NFATC1: variants seen among roughly 807,000 people sequenced by gnomAD.
The protein encoded by NFATC1 is nuclear factor of activated T cells 1.
In NFATC1, 22 loss-of-function variants were observed where a neutral mutation model predicts 76.0. The ratio of observed to expected loss-of-function variants is 0.29; its 90% CI spans 0.21 to 0.41. The LOEUF (loss-of-function observed/expected upper bound fraction) is 0.41. NFATC1 is among the 10% of genes least tolerant of loss of function. The pLI is 1.00. For missense variants in NFATC1, 1,357 were observed against 1,337.7 expected (o/e 1.01, Z -0.23); for synonymous variants, 704 against 613.1 (o/e 1.15, Z -2.19).
At chr18:79,526,608 C>G (rs558573477) in intron 9 of NFATC1, among the ~76,000 whole-genome samples, 2 of 152,350 alleles carry the variant, frequency 1.3e-5, no homozygotes, top group South Asian at 4.1e-4. Flanking sequence ...AGGGTTCCTC[C>G]TGGAGCTCAG....
intron 1 of NFATC1, among the ~76,000 whole-genome samples, chr18:79,404,025 C>T (rs1274630540): frequency 2.0e-5 from 3 of 152,198 alleles, no homozygotes; most frequent in Admixed American, 6.5e-5. Flanking sequence ...GTGGAGTTAC[C>T]TGGCAGATTG....
intron 9 of NFATC1, chr18:79,493,620 G>A (rs1445174084): frequency 6.6e-6 from 1 of 152,256 alleles, no homozygotes; most frequent in Non-Finnish European, 1.5e-5. Flanking sequence ...CCCCTCCTGA[G>A]CCGGAGCTGC....
rs903758048 is a variant in NFATC1, at chr18:79,465,616, C to T, written c.1960-1834C>T. ...CACTCCTCGCTGCTGCCTGTGAGTG[C>T]CTCCCGGCCCGTTACTATTTCAGTC... is the stretch of plus-strand genomic sequence containing the variant. On this transcript the variant is annotated intron_variant, in intron 7 of 9. Coordinates refer to ENST00000427363, the MANE Select transcript of NFATC1 (RefSeq NM_001278669.2). This position sits in a 1 kb window ranked among gnomAD's most constrained non-coding sequence, Gnocchi z 4.2. Among the ~76,000 whole-genome samples, 7 of 152,222 alleles carry T rather than the reference C, an allele frequency of 4.6e-5. No homozygotes were observed. The highest frequency in any genetic ancestry group is 1.7e-4 in the African/African-American group (7 of 41,454).
At chr18:79,521,799 G>T (rs1426110630) in intron 9 of NFATC1, among the ~76,000 whole-genome samples, 1 of 1,230 alleles carries the variant, frequency 8.1e-4, no homozygotes, top group Non-Finnish European at 3.0e-3. Flanking sequence ...ATGTGTATGT[G>T]TGTGGGGGGG....
chr18:79,499,892 T>G (rs1415332339), intron 9 of NFATC1, among the ~76,000 whole-genome samples: 1 of 152,204 alleles, frequency 6.6e-6, no homozygotes, highest in East Asian at 1.9e-4. Context: ...CTGTCAGTAG[T>G]CATGTTCTCT....
At chr18:79,505,735 C>T (rs2090105753) in intron 9 of NFATC1, among the ~76,000 whole-genome samples, 1 of 143,578 alleles carries the variant, frequency 7.0e-6, no homozygotes, top group Admixed American at 6.7e-5. Flanking sequence ...AGGCAGGAGA[C>T]TGCTGTGTGG....
chr18:79,414,368 C>G (rs1459073367), intron 2 of NFATC1, among the ~76,000 whole-genome samples: 1 of 152,200 alleles, frequency 6.6e-6, no homozygotes, highest in Non-Finnish European at 1.5e-5. Flanking sequence ...TTAATCCTGT[C>G]CCTATGCCAG....
intron 9 of NFATC1, among the ~76,000 whole-genome samples, chr18:79,512,216 G>A (rs933029847): frequency 6.6e-6 from 1 of 151,822 alleles, no homozygotes; most frequent in Non-Finnish European, 1.5e-5. Flanking sequence ...ACACGGCCTC[G>A]CCCCAGGACA....
intron 1 of NFATC1, chr18:79,402,376 AG>A: frequency 1.0e-6 from 1 of 985,440 alleles, no homozygotes; most frequent in Non-Finnish European, 1.2e-6. Context: ...GCCGCCTTCC[AG>A]GTGGGTTCAG....
At chr18:79,509,044 C>G (rs766539634) in intron 9 of NFATC1, among the ~76,000 whole-genome samples, 1 of 152,216 alleles carries the variant, frequency 6.6e-6, no homozygotes, top group East Asian at 1.9e-4. Flanking sequence ...CTTGCAGTGT[C>G]CTGTACGGAG....
chr18:79,400,361 GGCTCCC>G (rs201551280), intron 1 of NFATC1: 17 of 1,284,140 alleles, frequency 1.3e-5, no homozygotes, highest in African/African-American at 9.2e-5. Flanking sequence ...CCGCGACCCC[GGCTCCC>G]GCCCCGGCCC....
chr18:79,464,681 T>TATATACACAC (rs1423894668), intron 7 of NFATC1, among the ~76,000 whole-genome samples: 1 of 100,138 alleles, frequency 1.0e-5, no homozygotes, highest in Non-Finnish European at 2.1e-5. Context: ...TATATGTATG[T>TATATACACAC]GTATATATAT....
At chr18:79,450,041 G>A (rs1418059267) in intron 4 of NFATC1, among the ~76,000 whole-genome samples, 3 of 152,168 alleles carry the variant, frequency 2.0e-5, no homozygotes, top group African/African-American at 2.4e-5. Flanking sequence ...AGTCAGGTGC[G>A]TTCCACAGCC....
At position 79,482,455 on chromosome 18, in the gene NFATC1, C is replaced by T. The variant is rs576479730; in HGVS notation, c.2093-3793C>T. 8.4e-3 allele frequency among the ~76,000 whole-genome samples: 1,149 copies of T among 136,654 alleles called. 15 individuals are homozygous for T. Among genetic ancestry groups the T allele is most frequent in the African/African-American group, 0.031 (1,075 of 35,116 alleles). 89.7% of individuals were successfully genotyped at this position (136,654 alleles called of 152,430 possible). On this transcript the variant is annotated intron_variant, in intron 8 of 9. Coordinates refer to ENST00000427363, the MANE Select transcript of NFATC1 (RefSeq NM_001278669.2). ...ACCTGGTCCTGGGGTGTCATTCCAG[C>T]GTGACCTGGTTCCTGGGGTGTCATT...
At chr18:79,447,143 T>C (rs1242219381) in intron 3 of NFATC1, among the ~76,000 whole-genome samples, 3 of 152,248 alleles carry the variant, frequency 2.0e-5, no homozygotes, top group Non-Finnish European at 4.4e-5. Flanking sequence ...ATTGGTTTGT[T>C]CTTTACTGTG....
chr18:79,459,986 T>C (rs2087973977), intron 6 of NFATC1, among the ~76,000 whole-genome samples: 1 of 152,222 alleles, frequency 6.6e-6, no homozygotes, highest in Non-Finnish European at 1.5e-5. Context: ...CTCAGATGGC[T>C]TCAAGCGCAA....
At chr18:79,484,745 G>A (rs1019209551) in intron 8 of NFATC1, among the ~76,000 whole-genome samples, 11 of 152,238 alleles carry the variant, frequency 7.2e-5, no homozygotes, top group Admixed American at 7.2e-4. Context: ...AGCTGGGAAC[G>A]GCCCATATGG....
At chr18:79,398,988 A>C (rs1479248059) in intron 1 of NFATC1, among the ~76,000 whole-genome samples, 1 of 152,122 alleles carries the variant, frequency 6.6e-6, no homozygotes, top group Non-Finnish European at 1.5e-5. Context: ...AATCGCTTGA[A>C]CTCGGAAGGC....
chr18:79,527,827 G>A lies in NFATC1; in HGVS notation c.*250G>A, dbSNP rs1159521066. The A allele has an allele frequency of 1.8e-6, 1 of 562,130 alleles. No individual in the cohort carries two copies. The highest frequency in any genetic ancestry group is 2.8e-5 in the East Asian group (1 of 35,928). The allele number at this position is 562,130 out of a possible 1,614,324, so 34.8% of individuals were successfully genotyped here. A position where few individuals can be genotyped will look rare whatever the true frequency, so the allele number is the denominator to read the frequency against. ...AACAGAAGGGAGGTGGCCGGGCTGA[G>A]CACGGGAGACCCACCGTGCAGGGGC... On this transcript the variant is annotated 3_prime_UTR_variant, in exon 10 of 10. Transcript: ENST00000427363.
Sources: allele counts gnomAD v4.1 joint callset (sites outside exome capture counted in the v4.1 genomes callset), GRCh38; gene constraint gnomAD v4.1.1; non-coding constraint Gnocchi (gnomAD v3.1); transcripts MANE v1.5; gene names NCBI Gene and HGNC (gene_info 2026-07-23, HGNC 2026-07-21).